Variants in PITX3 observed in about 807,000 individuals in gnomAD.
PITX3 encodes paired like homeodomain 3.
In PITX3, 4 loss-of-function variants were observed where a neutral mutation model predicts 14.2. That is an observed-to-expected ratio of 0.28 (90% CI 0.14 to 0.65). PITX3 has a LOEUF of 0.65. PITX3 is among the 30% of genes least tolerant of loss of function. The pLI, the probability that PITX3 is intolerant of heterozygous loss-of-function variation, is 0.82. For synonymous variants in PITX3, 194 were observed against 204.5 expected (o/e 0.95, Z 0.44); for missense variants, 358 against 426.8 (o/e 0.84, Z 1.42).
chr10:102,234,681 A>G (rs993618176), intron 1 of PITX3, among the ~76,000 whole-genome samples: 8 of 152,100 alleles, frequency 5.3e-5, no homozygotes, highest in African/African-American at 9.7e-5. Flanking sequence ...TTGAAATGCA[A>G]ATCATCCCCC....
At chr10:102,239,404 C>A (rs1350117021) in intron 1 of PITX3, among the ~76,000 whole-genome samples, 1 of 152,240 alleles carries the variant, frequency 6.6e-6, no homozygotes, top group African/African-American at 2.4e-5. Flanking sequence ...CAGAGTCCTT[C>A]ATTTCACCTA....
At chr10:102,240,546 T>A (rs951557645) in intron 1 of PITX3, among the ~76,000 whole-genome samples, 2 of 152,200 alleles carry the variant, frequency 1.3e-5, no homozygotes, top group African/African-American at 4.8e-5. Flanking sequence ...CGCTGCTGGG[T>A]AGACGGACAT....
intron 2 of PITX3, 60 bp from the exon 3 acceptor site, chr10:102,231,850 C>A: frequency 1.3e-6 from 2 of 1,581,534 alleles, no homozygotes; most frequent in South Asian, 2.2e-5. Context: ...TTCTCCGGCT[C>A]GGGGACCTCC....
In PITX3 at chr10:102,230,719, A is replaced by C; in HGVS notation, c.704T>G (p.Val235Gly). The C allele has an allele frequency of 6.5e-7, 1 of 1,541,498 alleles. No individual in the cohort carries two copies. Among genetic ancestry groups the C allele is most frequent in the South Asian group, 1.2e-5 (1 of 83,098 alleles). Residue 235 changes from valine to glycine, a missense_variant, in exon 4 of 4, where the codon GTG (valine) becomes GGG (glycine). Around this residue, in one of 3 missense-constraint regions of PITX3, gnomAD observed 236 missense variants for 250.2 expected, o/e 0.94. Coordinates refer to ENST00000370002, the MANE Select transcript of PITX3 (RefSeq NM_005029.4). ...LAPAAVSSGA[V>G]SCPYASAAAA... Reference sequence around the variant, plus strand: ...GGCGGCCGAGGCATAAGGGCAGGACACGGCCCCGGAGGACACGGCGGCCGG... The same window carrying C: ...GGCGGCCGAGGCATAAGGGCAGGACCCGGCCCCGGAGGACACGGCGGCCGG...
At chr10:102,234,474 C>G (rs922793370) in intron 1 of PITX3, among the ~76,000 whole-genome samples, 2 of 152,118 alleles carry the variant, frequency 1.3e-5, no homozygotes, top group African/African-American at 2.4e-5. Flanking sequence ...CCTTCCAGGT[C>G]GGGTCAGGTC....
intron 1 of PITX3, among the ~76,000 whole-genome samples, chr10:102,237,646 G>C (rs992036341): frequency 6.6e-6 from 1 of 152,144 alleles, no homozygotes; most frequent in African/African-American, 2.4e-5. Context: ...AGCATGACCT[G>C]AAACAGCTGC....
intron 1 of PITX3, among the ~76,000 whole-genome samples, chr10:102,235,944 A>G (rs2070382421): frequency 1.3e-5 from 2 of 152,246 alleles, no homozygotes; most frequent in Admixed American, 6.5e-5. Flanking sequence ...AGGGACTGGT[A>G]GAGGAAAGAA....
Position 102,231,984 on chromosome 10 carries a change from A to T in PITX3, c.97T>A (p.Cys33Ser), listed in dbSNP as rs748895883. 4 of 1,610,708 alleles carry T rather than the reference A, an allele frequency of 2.5e-6. No homozygotes were observed. The South Asian group carries it at 4.4e-5, about 18-fold the overall frequency. The change falls in exon 2 of 4, where the codon TGC becomes AGC. Residue 33 changes from cysteine to serine, a missense_variant. Physicochemically the swap from Cys to Ser is moderately radical, Grantham distance 112. Coordinates refer to ENST00000370002, the MANE Select transcript of PITX3 (RefSeq NM_005029.4). ...TPHPQLPEHG[C>S]KGQEHSDSEK... ...TTACCGCTGTGCTCCTGGCCCTTGC[A>T]GCCGTGCTCTGGGAGCTGGGGGTGC...
Position 102,230,581 on chromosome 10 carries a change from G to T in PITX3, c.842C>A (p.Ala281Asp). The T allele has an allele frequency of 6.2e-7, 1 of 1,611,788 alleles. No individual in the cohort carries two copies. Among genetic ancestry groups the T allele is most frequent in the Non-Finnish European group, 8.5e-7 (1 of 1,179,244 alleles). Residue 281 changes from alanine (A) to aspartate (D), a missense_variant, in exon 4 of 4, where the codon GCT becomes GAT. Physicochemically the swap from Ala to Asp is moderately radical, Grantham distance 126. Transcript: ENST00000370002. Reference sequence around the variant, plus strand: ...GGCTGCCGGGGGCGGCCCGTGCACAGCGGGGTAGCTGAAGGAGGCGTGCTG... The same window carrying T: ...GGCTGCCGGGGGCGGCCCGTGCACATCGGGGTAGCTGAAGGAGGCGTGCTG... ...AKQHASFSYP[A>D]VHGPPPAANL...
intron 1 of PITX3, among the ~76,000 whole-genome samples, chr10:102,233,076 C>G (rs1255941975): frequency 1.3e-5 from 2 of 152,034 alleles, no homozygotes; most frequent in African/African-American, 4.8e-5. Context: ...ACTCCTAATG[C>G]TTTTTCTTTG....
intron 1 of PITX3, among the ~76,000 whole-genome samples, chr10:102,238,399 G>A (rs2070456810): frequency 6.6e-6 from 1 of 152,224 alleles, no homozygotes; most frequent in African/African-American, 2.4e-5. Context: ...CCCTGAGCAG[G>A]AGGCAGGCAG....
Position 102,231,792 on chromosome 10 carries a change from TG to T in PITX3, c.119-3del. The T allele has an allele frequency of 6.3e-7, 1 of 1,598,540 alleles. No homozygotes were observed. ...GCGAAGCCGAGGCCTTTTCTGAGTCTGGGGGCCAGGGTGGGGGCAGGTCACA... is the reference window on the plus strand; with the variant it reads ...GCGAAGCCGAGGCCTTTTCTGAGTCTGGGGCCAGGGTGGGGGCAGGTCACA... On this transcript the variant is annotated splice_region_variant and splice_polypyrimidine_tract_variant and intron_variant, in intron 2 of 3. Transcript: ENST00000370002.
Position 102,230,438 on chromosome 10 carries a change from A to G in PITX3, c.*76T>C. ...TCAGACCCTGGGGCGGGAGCAAGCC[A>G]GTCAAAATGACCCCAGTCCGCGGAG... On this transcript the variant is annotated 3_prime_UTR_variant, in exon 4 of 4. Transcript: ENST00000370002. The G allele has an allele frequency of 6.5e-7, 1 of 1,534,344 alleles. No individual in the cohort carries two copies. Among genetic ancestry groups the G allele is most frequent in the Non-Finnish European group, 8.8e-7 (1 of 1,135,844 alleles).
Position 102,230,693 on chromosome 10 carries a change from CG to C in PITX3, c.729del (p.Ala244ProfsTer65). The C allele has an allele frequency of 6.4e-7, 1 of 1,566,686 alleles. No homozygotes were observed. The highest frequency in any genetic ancestry group is 8.6e-7 in the Non-Finnish European group (1 of 1,156,630). Reference protein sequence around the residue: ...GAVSCPYASAAAAAAAAASSP... With the variant: ...GAVSCPYASAXAAAAAAASSP... ...GAAGAGGCGGCAGCCGCGGCGGCGG[CG>C]GCGGCCGAGGCATAAGGGCAGGACA... On this transcript the variant is annotated frameshift_variant, in exon 4 of 4. Coordinates refer to ENST00000370002, the MANE Select transcript of PITX3 (RefSeq NM_005029.4). LOFTEE classifies it high-confidence loss of function.
At position 102,230,602 on chromosome 10, in the gene PITX3, T is replaced by G. The variant is rs754411003; in HGVS notation, c.821A>C (p.His274Pro). The change falls in exon 4 of 4, where the codon CAC becomes CCC. Residue 274 changes from histidine (H) to proline (P), a missense_variant. By Grantham distance (77) the His-to-Pro change is moderately conservative. This residue lies in a region of PITX3 where 236 missense variants were observed against 250.2 expected (regional missense o/e 0.94). Transcript: ENST00000370002. ...CACAGCGGGGTAGCTGAAGGAGGCG[T>G]GCTGTTTGGCTTTGAGCCGCAGGCT... ...LASLRLKAKQ[H>P]ASFSYPAVHG... The G allele has an allele frequency of 6.2e-7, 1 of 1,611,104 alleles. No individual in the cohort carries two copies. Among genetic ancestry groups the G allele is most frequent in the Non-Finnish European group, 8.5e-7 (1 of 1,178,980 alleles).
chr10:102,240,930 C>A (rs1188671389), intron 1 of PITX3, among the ~76,000 whole-genome samples: 1 of 152,212 alleles, frequency 6.6e-6, no homozygotes, highest in Non-Finnish European at 1.5e-5. Context: ...CCGTCAACTG[C>A]CCCCACACTG....
At chr10:102,238,834 C>T (rs184199943) in intron 1 of PITX3, among the ~76,000 whole-genome samples, 65 of 152,310 alleles carry the variant, frequency 4.3e-4, no homozygotes, top group Middle Eastern at 6.8e-3. Context: ...ACTCCCTCCA[C>T]CCTGTAGCCA....
At chr10:102,235,114 C>G (rs2070350348) in intron 1 of PITX3, among the ~76,000 whole-genome samples, 1 of 151,850 alleles carries the variant, frequency 6.6e-6, no homozygotes, top group African/African-American at 2.4e-5. Flanking sequence ...AGTCTCCTCT[C>G]TGTGACAGGG....
intron 1 of PITX3, among the ~76,000 whole-genome samples, chr10:102,239,383 C>T (rs1440166378): frequency 6.6e-6 from 1 of 152,238 alleles, no homozygotes; most frequent in East Asian, 1.9e-4. Flanking sequence ...TTCCCTGTTC[C>T]TTTCCTGACA....
Sources: allele counts gnomAD v4.1 joint callset (sites outside exome capture counted in the v4.1 genomes callset), GRCh38; gene constraint gnomAD v4.1.1; regional missense constraint gnomAD v4.1.1; transcripts MANE v1.5; gene names NCBI Gene and HGNC (gene_info 2026-07-23, HGNC 2026-07-21).